CSMD1: variants seen among roughly 807,000 people sequenced by gnomAD.
The protein encoded by CSMD1 is CUB and Sushi multiple domains 1, also known as CUB and sushi domain-containing protein 1.
A neutral mutation model predicts 417.5 loss-of-function variants in CSMD1; 213 were observed. That is an observed-to-expected ratio of 0.51 (90% CI 0.46 to 0.57). The LOEUF is 0.57. Among genes scored for constraint, CSMD1 ranks in the 20% least tolerant of loss-of-function variants. CSMD1 has a pLI of 0.00. For synonymous variants in CSMD1, 2,862 were observed against 1,736.8 expected (o/e 1.65, Z -16.11); for missense variants, 6,923 against 4,529.7 (o/e 1.53, Z -15.17).
Position 3,967,727 on chromosome 8 carries a change from C to A in CSMD1, c.818+30176G>T, listed in dbSNP as rs191255637. ...TAAGGGAAGTGGGCAAGAGATGAGT[C>A]CAACAAAGGCCAAGAAGAAAGAACC... On this transcript the variant is annotated intron_variant, in intron 5 of 69. Coordinates refer to ENST00000635120, the MANE Select transcript of CSMD1 (RefSeq NM_033225.6). Among the ~76,000 whole-genome samples the A allele has an allele frequency of 1.6e-3, 241 of 152,108 alleles. 3 individuals are homozygous for A. The highest frequency in any genetic ancestry group is 0.013 in the Admixed American group (201 of 15,278).
intron 1 of CSMD1, among the ~76,000 whole-genome samples, chr8:4,944,395 G>C (rs184406576): frequency 2.0e-5 from 3 of 152,166 alleles, no homozygotes; most frequent in East Asian, 1.9e-4. Context: ...ACACTATTCA[G>C]ATGGTTGTAG....
intron 29 of CSMD1, among the ~76,000 whole-genome samples, chr8:3,218,155 C>G (rs1269152893): frequency 6.6e-6 from 1 of 152,106 alleles, no homozygotes; most frequent in African/African-American, 2.4e-5. Flanking sequence ...AATCACTGAT[C>G]TGATGATAAA....
At chr8:3,355,180 C>A (rs12155723) in intron 21 of CSMD1, among the ~76,000 whole-genome samples, 1 of 151,542 alleles carries the variant, frequency 6.6e-6, no homozygotes, top group Admixed American at 6.6e-5. Flanking sequence ...GGATATATAT[C>A]TCACTTTCAT....
At chr8:4,989,500 G>A (rs1223445287) in intron 1 of CSMD1, among the ~76,000 whole-genome samples, 2 of 152,116 alleles carry the variant, frequency 1.3e-5, no homozygotes, top group Non-Finnish European at 2.9e-5. Flanking sequence ...TTTGTTAGTT[G>A]ATCAAATAAA....
intron 5 of CSMD1, among the ~76,000 whole-genome samples, chr8:3,835,161 G>A (rs908295659): frequency 5.4e-5 from 8 of 147,588 alleles, no homozygotes; most frequent in South Asian, 2.2e-4. Flanking sequence ...TCAGTGTGGC[G>A]ATTCCTCAGG....
At chr8:4,496,619 G>C (rs1263365732) in intron 2 of CSMD1, among the ~76,000 whole-genome samples, 3 of 152,008 alleles carry the variant, frequency 2.0e-5, no homozygotes, top group African/African-American at 7.2e-5. Context: ...TTCCTGGTTT[G>C]TTCCTCCTCT....
At chr8:4,420,651 C>G (rs1797198584) in intron 2 of CSMD1, among the ~76,000 whole-genome samples, 1 of 152,046 alleles carries the variant, frequency 6.6e-6, no homozygotes, top group African/African-American at 2.4e-5. Flanking sequence ...ATCTGTGTTT[C>G]AGTTGGATTC....
chr8:4,290,249 G>A (rs184300310), intron 3 of CSMD1, among the ~76,000 whole-genome samples: 13 of 152,308 alleles, frequency 8.5e-5, no homozygotes, highest in African/African-American at 2.2e-4. Flanking sequence ...GTTTAGGCCC[G>A]AGGGTGATGT....
chr8:4,778,236 A>T (rs1796969872), intron 1 of CSMD1, among the ~76,000 whole-genome samples: 1 of 152,220 alleles, frequency 6.6e-6, no homozygotes, highest in Non-Finnish European at 1.5e-5. Context: ...ATTAATGAAT[A>T]ATCTATATCA....
intron 5 of CSMD1, among the ~76,000 whole-genome samples, chr8:3,757,956 G>A (rs563852373): frequency 1.1e-4 from 16 of 152,126 alleles, no homozygotes; most frequent in African/African-American, 1.9e-4. Flanking sequence ...AAAAAAATGC[G>A]TAAGTCCTGC....
intron 2 of CSMD1, among the ~76,000 whole-genome samples, chr8:4,637,131 C>G (rs1175986355): frequency 6.6e-6 from 1 of 152,150 alleles, no homozygotes; most frequent in Non-Finnish European, 1.5e-5. Context: ...ATAAACCTTG[C>G]TACCACTAAC....
rs772236278 is a variant in CSMD1 at position 2,949,386 on chromosome 8, C to A, written c.10315G>T (p.Val3439Leu). 6.3e-6 allele frequency: 8 copies of A among 1,265,630 alleles called. No homozygotes were observed. Among genetic ancestry groups the A allele is most frequent in the South Asian group, 1.3e-5 (1 of 75,316 alleles). 78.4% of individuals were successfully genotyped at this position (1,265,630 alleles called of 1,614,324 possible). The change falls in exon 68 of 70, where the codon GTG becomes TTG. Residue 3439 changes from valine to leucine, a missense_variant and splice_region_variant. By Grantham distance (32) the Val-to-Leu change is conservative. Coordinates refer to ENST00000635120, the MANE Select transcript of CSMD1 (RefSeq NM_033225.6). ...CCTCCTCTTTCAAGTCCAGATGACACCTGACACATAGGAAAGAAAAGAAAA... is the reference window on the plus strand; with the variant it reads ...CCTCCTCTTTCAAGTCCAGATGACAACTGACACATAGGAAAGAAAAGAAAA... ...ENDNWGLDGYVSSGLERGGFT... is the reference protein window; with the variant it reads ...ENDNWGLDGYLSSGLERGGFT...
At chr8:3,418,449 G>T (rs1813292830) in intron 12 of CSMD1, among the ~76,000 whole-genome samples, 1 of 152,100 alleles carries the variant, frequency 6.6e-6, no homozygotes, top group African/African-American at 2.4e-5. Flanking sequence ...GCACTTACTG[G>T]GAAAGCAACA....
At chr8:3,338,209 T>A (rs1257849013) in intron 23 of CSMD1, among the ~76,000 whole-genome samples, 1 of 152,158 alleles carries the variant, frequency 6.6e-6, no homozygotes, top group Non-Finnish European at 1.5e-5. Flanking sequence ...ACCACACGTG[T>A]ATGCCTGTCT....
intron 1 of CSMD1, among the ~76,000 whole-genome samples, chr8:4,954,218 A>G (rs1808935157): frequency 6.6e-6 from 1 of 152,222 alleles, no homozygotes; most frequent in South Asian, 2.1e-4. Context: ...AACCTCAAGG[A>G]GCTCAGAGTT....
chr8:4,238,280 T>G (rs1038607776), intron 3 of CSMD1, among the ~76,000 whole-genome samples: 4 of 152,174 alleles, frequency 2.6e-5, no homozygotes, highest in Admixed American at 6.6e-5. Context: ...ACTAGAGACA[T>G]GAATGAATGT....
intron 1 of CSMD1, among the ~76,000 whole-genome samples, chr8:4,967,581 T>G (rs1218577128): frequency 6.6e-6 from 1 of 152,186 alleles, no homozygotes; most frequent in Non-Finnish European, 1.5e-5. Flanking sequence ...ATTAACTATT[T>G]TTAATTTTAA....
chr8:4,209,810 T>G (rs920986638), intron 3 of CSMD1, among the ~76,000 whole-genome samples: 1 of 152,192 alleles, frequency 6.6e-6, no homozygotes, highest in Non-Finnish European at 1.5e-5. Flanking sequence ...TCTACACTCA[T>G]ATTTATATCC....
intron 3 of CSMD1, among the ~76,000 whole-genome samples, chr8:4,074,432 ATTAT>A (rs572145943): frequency 1.1e-3 from 174 of 152,192 alleles, no homozygotes; most frequent in Non-Finnish European, 2.0e-3. Flanking sequence ...TTTGTACATG[ATTAT>A]TTACTTTCAG....
Sources: allele counts gnomAD v4.1 joint callset (sites outside exome capture counted in the v4.1 genomes callset), GRCh38; gene constraint gnomAD v4.1.1; transcripts MANE v1.5; gene names NCBI Gene and HGNC (gene_info 2026-07-23, HGNC 2026-07-21).